Variants in NHSL1 observed in about 807,000 individuals in gnomAD.
The protein encoded by NHSL1 is NHS-like protein 1.
A neutral mutation model predicts 95.0 loss-of-function variants in NHSL1; 48 were observed. That is an observed-to-expected ratio of 0.51 (90% CI 0.40 to 0.64). The LOEUF is 0.64. Ranked by LOEUF, NHSL1 falls within the 30% of genes least tolerant of loss-of-function variation. The pLI is 0.00. For synonymous variants in NHSL1, 783 were observed against 833.9 expected (o/e 0.94, Z 1.05); for missense variants, 1,971 against 2,077.7 (o/e 0.95, Z 1.00).
At chr6:138,610,609 A>AAG (rs1467761792) in intron 1 of NHSL1, among the ~76,000 whole-genome samples, 1 of 151,014 alleles carries the variant, frequency 6.6e-6, no homozygotes, top group African/African-American at 2.4e-5. Context: ...GTGATCACAG[A>AAG]ACTCCTTCTC....
At chr6:138,580,177 A>G (rs1784031437) in intron 1 of NHSL1, among the ~76,000 whole-genome samples, 1 of 152,182 alleles carries the variant, frequency 6.6e-6, no homozygotes. Flanking sequence ...ACCTCCAGAA[A>G]CGGCAAAGAG....
upstream of NHSL1, among the ~76,000 whole-genome samples, chr6:138,502,319 T>C (rs1281157119): frequency 1.3e-5 from 2 of 152,200 alleles, no homozygotes; most frequent in Admixed American, 1.3e-4. Flanking sequence ...CAGGGAAATG[T>C]TTTCATCATA....
intron 1 of NHSL1, among the ~76,000 whole-genome samples, chr6:138,582,341 G>C (rs1300235989): frequency 6.6e-6 from 1 of 151,380 alleles, no homozygotes; most frequent in Admixed American, 6.6e-5. Flanking sequence ...GGATGACCAT[G>C]AATGAGAATG....
chr6:138,629,265 G>T (rs1376257712), intron 1 of NHSL1, among the ~76,000 whole-genome samples: 1 of 152,198 alleles, frequency 6.6e-6, no homozygotes, highest in Non-Finnish European at 1.5e-5. Context: ...AGCTGTAAAT[G>T]AGGAAGCAAG....
chr6:138,642,730 C>A (rs752241855), intron 1 of NHSL1, among the ~76,000 whole-genome samples: 5 of 151,864 alleles, frequency 3.3e-5, no homozygotes, highest in Non-Finnish European at 7.4e-5. Flanking sequence ...ACTAGAACAG[C>A]AGTGAAGAGG....
At chr6:138,650,692 G>T (rs111374065) in intron 1 of NHSL1, 13 of 553,912 alleles carry the variant, frequency 2.3e-5, no homozygotes, top group African/African-American at 1.3e-4. Context: ...ATGACATGCA[G>T]GGGGTGGGTC....
At position 138,536,978 on chromosome 6, in the gene NHSL1, G is replaced by A. The variant is rs140917123; in HGVS notation, c.16+8645C>T. On this transcript the variant is annotated intron_variant, in intron 1 of 4. Coordinates refer to the NHSL1 transcript ENST00000342260. ...AGAGAAATAACCCAATAATTAAGGG[G>A]AGCTCATTCCCAATTCCTCAGTACA... Among the ~76,000 whole-genome samples, 409 of 152,242 alleles carry A rather than the reference G, an allele frequency of 2.7e-3. 3 individuals carry two copies. Among genetic ancestry groups the A allele is most frequent in the Middle Eastern group, 0.024 (7 of 294 alleles).
intron 1 of NHSL1, among the ~76,000 whole-genome samples, chr6:138,640,488 CTCCTCCTCA>C (rs1212336307): frequency 2.0e-5 from 3 of 152,108 alleles, no homozygotes; most frequent in African/African-American, 7.2e-5. Context: ...CCAATCCCTC[CTCCTCCTCA>C]TCCTCCTCAG....
intron 3 of NHSL1, chr6:138,464,250 T>A: frequency 1.2e-6 from 1 of 807,072 alleles, no homozygotes; most frequent in Non-Finnish European, 2.0e-6. Context: ...GCCGGCACCG[T>A]CCTCCTCTCT....
At chr6:138,513,815 A>G (rs768829051) in intron 1 of NHSL1, among the ~76,000 whole-genome samples, 3 of 152,106 alleles carry the variant, frequency 2.0e-5, no homozygotes, top group Non-Finnish European at 4.4e-5. Flanking sequence ...TACTACTTGT[A>G]GTGATTTGTT....
chr6:138,493,203 C>T (rs776541031), intron 2 of NHSL1, among the ~76,000 whole-genome samples: 39 of 152,194 alleles, frequency 2.6e-4, no homozygotes, highest in Non-Finnish European at 4.7e-4. Context: ...TATCTAAAAT[C>T]TCTTACGAAG....
rs749192522 is a variant in NHSL1 at position 138,692,179 on chromosome 6, AACAG to A, written c.96+293_96+296del. On this transcript the variant is annotated intron_variant, in intron 1 of 3. Transcript: ENST00000491526. This position sits in a 1 kb window ranked among gnomAD's most constrained non-coding sequence, Gnocchi z 4.0. ...GTCTACAGCGCCCCGGGGTCTCCCAAACAGACAGACACAGACAGACAGAAGGAGC... is the reference window on the plus strand; with the variant it reads ...GTCTACAGCGCCCCGGGGTCTCCCAAACAGACACAGACAGACAGAAGGAGC... 2.2e-5 allele frequency: 10 copies of A among 456,580 alleles called. No individual in the cohort carries two copies. Among genetic ancestry groups the A allele is most frequent in the Non-Finnish European group, 4.0e-5 (9 of 226,960 alleles). 28.3% of individuals were successfully genotyped at this position (456,580 alleles called of 1,614,324 possible).
At chr6:138,455,799 A>G (rs916210973) in intron 3 of NHSL1, among the ~76,000 whole-genome samples, 2 of 152,162 alleles carry the variant, frequency 1.3e-5, no homozygotes, top group Non-Finnish European at 2.9e-5. Context: ...ATAACCTGTA[A>G]AGCCATGACA....
At chr6:138,567,778 T>C (rs1287963070) in intron 1 of NHSL1, among the ~76,000 whole-genome samples, 1 of 152,160 alleles carries the variant, frequency 6.6e-6, no homozygotes, top group Non-Finnish European at 1.5e-5. Context: ...GACACTGACA[T>C]TCAAATGATT....
intron 1 of NHSL1, among the ~76,000 whole-genome samples, chr6:138,598,809 A>C (rs1784335258): frequency 6.6e-6 from 1 of 152,178 alleles, no homozygotes; most frequent in African/African-American, 2.4e-5. Context: ...AATCCCACTA[A>C]TACTGAATGC....
chr6:138,635,950 T>TAAAAAAAAAAA (rs930630887), intron 1 of NHSL1, among the ~76,000 whole-genome samples: 1 of 94,386 alleles, frequency 1.1e-5, no homozygotes. Flanking sequence ...CCGTCTCTAC[T>TAAAAAAAAAAA]AAAAAAAAAA....
At chr6:138,611,592 A>C (rs1784512209) in intron 1 of NHSL1, among the ~76,000 whole-genome samples, 1 of 151,846 alleles carries the variant, frequency 6.6e-6, no homozygotes, top group Admixed American at 6.6e-5. Flanking sequence ...TAAAAATACA[A>C]AAAATTAGCT....
intron 1 of NHSL1, among the ~76,000 whole-genome samples, chr6:138,520,111 T>C (rs1221396876): frequency 6.6e-6 from 1 of 151,780 alleles, no homozygotes; most frequent in Non-Finnish European, 1.5e-5. Context: ...ATAACAATAA[T>C]AACATAATAA....
chr6:138,635,950 TAAAAAAAAAAAA>T (rs930630887), intron 1 of NHSL1, among the ~76,000 whole-genome samples: 3 of 94,370 alleles, frequency 3.2e-5, no homozygotes, highest in East Asian at 6.2e-4. Context: ...CCGTCTCTAC[TAAAAAAAAAAAA>T]AAAAAAAAAA....
Sources: gnomAD v4.1 joint callset for allele counts (sites outside exome capture counted in the v4.1 genomes callset) on GRCh38, gnomAD v4.1.1 for gene constraint, Gnocchi (gnomAD v3.1) non-coding constraint, MANE v1.5 for transcripts, NCBI Gene and HGNC (gene_info 2026-07-23, HGNC 2026-07-21) for gene names.